Variants in EFCAB13 observed in about 807,000 individuals in gnomAD.
The protein encoded by EFCAB13 is EF-hand calcium-binding domain-containing protein 13.
Under a neutral mutation model 110.2 loss-of-function variants are expected in EFCAB13, and 91 were observed. The ratio of observed to expected loss-of-function variants is 0.83; its 90% CI spans 0.70 to 0.98. EFCAB13 has a LOEUF of 0.98. Among genes scored for constraint, EFCAB13 ranks in the 50% least tolerant of loss-of-function variants. The probability of loss-of-function intolerance (pLI) is 0.00; values close to 1 mark genes in which losing one functional copy is unlikely to be tolerated. For synonymous variants in EFCAB13, 323 were observed against 369.9 expected, an observed-to-expected ratio of 0.87 and a Z score of 1.45; for missense variants, 968 against 1,119.4, an observed-to-expected ratio of 0.86 and a Z score of 1.93.
intron 17 of EFCAB13, among the ~76,000 whole-genome samples, chr17:47,401,349 C>G (rs1391086486): frequency 6.6e-6 from 1 of 152,192 alleles, no homozygotes; most frequent in Non-Finnish European, 1.5e-5. Flanking sequence ...GAAAACAAAG[C>G]TGCTTCTGTT....
intron 14 of EFCAB13, among the ~76,000 whole-genome samples, chr17:47,384,146 T>G (rs567695241): frequency 0.031 from 3,554 of 114,340 alleles, 100 homozygotes; most frequent in East Asian, 0.22. Context: ...CAACCCCCAG[T>G]TTTTTTTTTT....
intron 16 of EFCAB13, among the ~76,000 whole-genome samples, chr17:47,395,353 CTTT>C (rs1198510749): frequency 6.6e-6 from 1 of 152,140 alleles, no homozygotes; most frequent in Non-Finnish European, 1.5e-5. Flanking sequence ...AGCACAGTGA[CTTT>C]TTACAAATTT....
chr17:47,369,798 A>C (rs2065571294), intron 10 of EFCAB13: 1 of 152,440 alleles, frequency 6.6e-6, no homozygotes, highest in African/African-American at 2.4e-5. Flanking sequence ...CACAATTGAA[A>C]TGACATTATT....
intron 24 of EFCAB13, among the ~76,000 whole-genome samples, chr17:47,436,016 G>A (rs1905206777): frequency 6.6e-6 from 1 of 152,026 alleles, no homozygotes; most frequent in African/African-American, 2.4e-5. Flanking sequence ...TTTGTCAAAT[G>A]CTTTTTCTGC....
chr17:47,378,322 A>C (rs138631781), intron 13 of EFCAB13, among the ~76,000 whole-genome samples: 2 of 152,230 alleles, frequency 1.3e-5, no homozygotes, highest in African/African-American at 2.4e-5. Context: ...AGAGCCAGGT[A>C]TGCTTAGCAG....
At chr17:47,339,469 C>T (rs2065371112) in intron 5 of EFCAB13, among the ~76,000 whole-genome samples, 1 of 152,070 alleles carries the variant, frequency 6.6e-6, no homozygotes, top group East Asian at 1.9e-4. Flanking sequence ...GCACAGTTCA[C>T]AATAGGATTT....
chr17:47,424,874 C>CTTTTTTTT lies in EFCAB13; in HGVS notation c.2495-4925_2495-4918dup, dbSNP rs548271723. ...AGGATTTCTTTCTCCGGTTGACAAT[C>CTTTTTTTT]TTTTTTTTTTTTTTTTTTTTTTTTT... On this transcript the variant is annotated intron_variant, in intron 23 of 24. Coordinates refer to ENST00000331493, the MANE Select transcript of EFCAB13 (RefSeq NM_152347.5). Among the ~76,000 whole-genome samples, 43 of 36,898 alleles carry CTTTTTTTT rather than the reference C, an allele frequency of 1.2e-3. 10 individuals carry two copies. Among genetic ancestry groups the CTTTTTTTT allele is most frequent in the African/African-American group, 2.0e-3 (16 of 8,114 alleles). The allele number at this position is 36,898 out of a possible 152,430, so 24.2% of individuals were successfully genotyped here. A position where few individuals can be genotyped will look rare whatever the true frequency, so the allele number is the denominator to read the frequency against.
intron 10 of EFCAB13, among the ~76,000 whole-genome samples, chr17:47,368,157 A>T (rs971509813): frequency 6.6e-6 from 1 of 152,236 alleles, no homozygotes; most frequent in Non-Finnish European, 1.5e-5. Context: ...AATAGAAAAT[A>T]TAATCTTTTT....
chr17:47,439,873 G>C (rs1362547400), intron 24 of EFCAB13, among the ~76,000 whole-genome samples: 1 of 151,530 alleles, frequency 6.6e-6, no homozygotes, highest in East Asian at 1.9e-4. Context: ...CTAAGAACCA[G>C]TTTTACCCCT....
chr17:47,339,216 G>C (rs2065369673), intron 5 of EFCAB13, among the ~76,000 whole-genome samples: 1 of 152,038 alleles, frequency 6.6e-6, no homozygotes, highest in African/African-American at 2.4e-5. Flanking sequence ...AAGAGTATGT[G>C]TCTTCTCTTC....
chr17:47,418,181 G>A (rs910379466), intron 23 of EFCAB13, among the ~76,000 whole-genome samples: 11 of 152,196 alleles, frequency 7.2e-5, no homozygotes, highest in African/African-American at 2.7e-4. Flanking sequence ...CAAGGCTTGA[G>A]GGTTAGCAGC....
In EFCAB13 at chr17:47,429,866, T is replaced by C; in HGVS notation, c.2543T>C (p.Val848Ala). The change falls in exon 24 of 25, where the codon GTT (valine) becomes GCT (alanine). Residue 848 changes from valine to alanine, a missense_variant. Transcript: ENST00000331493. ...ACCCAAATTCTCCAGAATGATCTAG[T>C]TGATGTCTCTGACCTCAAGACATTA... The part of the protein sequence containing the change: ...ATTQILQNDL[V>A]DVSDLKTLLM... 1 of 1,612,386 alleles carries C rather than the reference T, an allele frequency of 6.2e-7. No individual in the cohort carries two copies. The highest frequency in any genetic ancestry group is 8.5e-7 in the Non-Finnish European group (1 of 1,178,868).
At position 47,344,280 on chromosome 17, in the gene EFCAB13, C is replaced by T. The variant is rs1442886422; in HGVS notation, c.422C>T (p.Ser141Phe). 1 of 1,611,706 alleles carries T rather than the reference C, an allele frequency of 6.2e-7. No individual in the cohort carries two copies. The highest frequency in any genetic ancestry group is 1.3e-5 in the African/African-American group (1 of 74,846). ...ACTTCATCACCTCTTTGTACATCTT[C>T]TGCAATTACTCGGTATTTAAATCCT... is the stretch of plus-strand genomic sequence containing the variant. ...HKTSSPLCTS[S>F]AITREKEMLS... Residue 141 changes from serine (S) to phenylalanine (F), a missense_variant, in exon 7 of 25, where the codon TCT becomes TTT. By Grantham distance (155) the Ser-to-Phe change is radical. Transcript: ENST00000331493.
At chr17:47,367,376 T>C (rs187400393) in intron 10 of EFCAB13, among the ~76,000 whole-genome samples, 1 of 152,288 alleles carries the variant, frequency 6.6e-6, no homozygotes, top group Admixed American at 6.5e-5. Context: ...CATATTTGCT[T>C]CTCGTGGCGG....
chr17:47,362,444 G>A (rs931457524), intron 10 of EFCAB13, among the ~76,000 whole-genome samples: 1 of 152,146 alleles, frequency 6.6e-6, no homozygotes, highest in African/African-American at 2.4e-5. Flanking sequence ...TGGTCTAGCG[G>A]TAGCGTCAGT....
At position 47,347,747 on chromosome 17, in the gene EFCAB13, G is replaced by A. The variant is rs1404783952; in HGVS notation, c.518-61G>A. On this transcript the variant is annotated intron_variant, in intron 8 of 24. Coordinates refer to ENST00000331493, the MANE Select transcript of EFCAB13 (RefSeq NM_152347.5). Reference sequence around the variant, plus strand: ...TGATTATTATTTTTTTGAGAGTGGGGGGAATAAGGATAATTATTCTTTTTG... The same window carrying A: ...TGATTATTATTTTTTTGAGAGTGGGAGGAATAAGGATAATTATTCTTTTTG... 12 of 1,241,590 alleles carry A rather than the reference G, an allele frequency of 9.7e-6. No homozygotes were observed. The Admixed American group carries it at 2.9e-4, about 30-fold the overall frequency. 76.9% of individuals were successfully genotyped at this position (1,241,590 alleles called of 1,614,324 possible).
In EFCAB13 at chr17:47,415,110, T is replaced by C. The variant is rs933869802; in HGVS notation, c.2494+191T>C. On this transcript the variant is annotated intron_variant, in intron 23 of 24. Coordinates refer to ENST00000331493, the MANE Select transcript of EFCAB13 (RefSeq NM_152347.5). ...TAGGGACATGGATGAAATTGGAAAT[T>C]ATCATTCTCAGTAAACTATCACAAG... 110 of 366,992 alleles carry C rather than the reference T, an allele frequency of 3.0e-4. No homozygotes were observed. In the South Asian group the frequency reaches 3.3e-3, roughly 11 times the overall value. 22.7% of individuals were successfully genotyped at this position (366,992 alleles called of 1,614,324 possible). A position where few individuals can be genotyped will look rare whatever the true frequency, so the allele number is the denominator to read the frequency against.
intron 5 of EFCAB13, among the ~76,000 whole-genome samples, chr17:47,339,065 TTATAA>T (rs925370635): frequency 2.6e-5 from 4 of 152,116 alleles, no homozygotes; most frequent in African/African-American, 7.2e-5. Context: ...GTGGCATGAA[TTATAA>T]TATATTTTTT....
intron 18 of EFCAB13, among the ~76,000 whole-genome samples, chr17:47,402,453 TGGA>T (rs919546040): frequency 1.3e-5 from 2 of 152,238 alleles, no homozygotes; most frequent in African/African-American, 4.8e-5. Flanking sequence ...TTAAAGAACT[TGGA>T]GGAGCCAAGA....
Sources: allele counts gnomAD v4.1 joint callset (sites outside exome capture counted in the v4.1 genomes callset), GRCh38; gene constraint gnomAD v4.1.1; transcripts MANE v1.5; gene names NCBI Gene and HGNC (gene_info 2026-07-23, HGNC 2026-07-21).